The following GPHN variants were observed in gnomAD, a reference collection of about 807,000 sequenced individuals.
GPHN encodes gephyrin.
In GPHN, 17 loss-of-function variants were observed where a neutral mutation model predicts 95.5. The observed-to-expected ratio is 0.18, with a 90% CI of 0.12 to 0.27. The LOEUF is 0.27. Ranked by LOEUF, GPHN falls within the 10% of genes least tolerant of loss-of-function variation. The probability of loss-of-function intolerance (pLI) is 1.00; values close to 1 mark genes in which losing one functional copy is unlikely to be tolerated. For synonymous variants in GPHN, 320 were observed against 322.5 expected, an observed-to-expected ratio of 0.99 and a Z score of 0.08; for missense variants, 660 against 978.1, an observed-to-expected ratio of 0.67 and a Z score of 4.34.
intron 8 of GPHN, among the ~76,000 whole-genome samples, chr14:66,949,693 A>G (rs1460998520): frequency 2.6e-5 from 4 of 152,120 alleles, no homozygotes; most frequent in Non-Finnish European, 5.9e-5. Flanking sequence ...CAAATAACAG[A>G]GAATTTCTAT....
chr14:67,500,792 C>T, the GPHN span, among the ~76,000 whole-genome samples: 2 of 151,668 alleles, frequency 1.3e-5, no homozygotes, highest in Admixed American at 6.6e-5. Flanking sequence ...AGGATGGTCT[C>T]GATCTCCTGA....
At chr14:67,624,220 A>T in the GPHN span, among the ~76,000 whole-genome samples, 1 of 151,976 alleles carries the variant, frequency 6.6e-6, no homozygotes, top group African/African-American at 2.4e-5. Flanking sequence ...TGGGCCTTGT[A>T]CTCTTTTCTC....
intron 16 of GPHN, among the ~76,000 whole-genome samples, chr14:67,115,734 C>CAA (rs35393713): frequency 1.6e-5 from 2 of 123,946 alleles, no homozygotes; most frequent in Admixed American, 8.4e-5. Context: ...GACTCCATCT[C>CAA]AAAAAAAAAA....
intron 2 of GPHN, among the ~76,000 whole-genome samples, chr14:66,737,545 G>T (rs1416790908): frequency 6.6e-6 from 1 of 151,870 alleles, no homozygotes; most frequent in South Asian, 2.1e-4. Context: ...ATCCTTTTGG[G>T]TGTTACTGAC....
intron 4 of GPHN, among the ~76,000 whole-genome samples, chr14:66,877,160 G>C (rs1191627489): frequency 6.6e-6 from 1 of 152,096 alleles, no homozygotes; most frequent in Non-Finnish European, 1.5e-5. Flanking sequence ...AACAGATACA[G>C]AAAAGTCCTC....
intron 20 of GPHN, among the ~76,000 whole-genome samples, chr14:67,167,377 G>T (rs1319589226): frequency 2.6e-5 from 4 of 151,422 alleles, no homozygotes; most frequent in South Asian, 2.1e-4. Flanking sequence ...TTGGTTTGGG[G>T]TTTTTTTGCT....
intron 1 of GPHN, among the ~76,000 whole-genome samples, chr14:66,622,224 G>T (rs8007601): frequency 0.31 from 47,178 of 151,990 alleles, 11,173 homozygotes; most frequent in African/African-American, 0.64. Context: ...CCCTCTGAAC[G>T]CATGGCCTGA....
At chr14:67,700,963 G>T in the GPHN span, among the ~76,000 whole-genome samples, 1 of 142,746 alleles carries the variant, frequency 7.0e-6, no homozygotes, top group Non-Finnish European at 1.5e-5. Context: ...GGCGGAGGTT[G>T]CAGTAAGCGG....
intron 4 of GPHN, among the ~76,000 whole-genome samples, chr14:66,876,980 C>T (rs1236545588): frequency 1.3e-5 from 2 of 152,062 alleles, no homozygotes; most frequent in African/African-American, 4.8e-5. Flanking sequence ...AACATGGATG[C>T]ATAAATCCTC....
the GPHN span, among the ~76,000 whole-genome samples, chr14:67,668,946 T>A: frequency 6.6e-6 from 1 of 152,036 alleles, no homozygotes; most frequent in East Asian, 1.9e-4. Flanking sequence ...AGAAAATAAG[T>A]ACTCTGGAAA....
At chr14:67,513,905 G>T in the GPHN span, among the ~76,000 whole-genome samples, 1 of 152,188 alleles carries the variant, frequency 6.6e-6, no homozygotes, top group South Asian at 2.1e-4. Flanking sequence ...AAGCACTGGG[G>T]ACCTGGAACC....
chr14:67,518,241 G>T, the GPHN span, among the ~76,000 whole-genome samples: 2 of 152,156 alleles, frequency 1.3e-5, no homozygotes, highest in Non-Finnish European at 2.9e-5. Context: ...TATGGGCCAG[G>T]AACAGACAGG....
the GPHN span, among the ~76,000 whole-genome samples, chr14:67,275,908 A>G: frequency 6.6e-6 from 1 of 152,162 alleles, no homozygotes; most frequent in African/African-American, 2.4e-5. Context: ...TTATTTGCGT[A>G]GAGGTGTTTA....
At chr14:67,639,846 A>C in the GPHN span, among the ~76,000 whole-genome samples, 297 of 150,754 alleles carry the variant, frequency 2.0e-3, 3 homozygotes, top group African/African-American at 6.9e-3. Context: ...AATTGCTTGA[A>C]TCCAGGAAGT....
At chr14:67,551,599 G>T in the GPHN span, among the ~76,000 whole-genome samples, 254 of 152,194 alleles carry the variant, frequency 1.7e-3, 1 homozygote, top group Non-Finnish European at 2.9e-3. Flanking sequence ...TGGGTGCAAG[G>T]CAGCGGTAAT....
intron 8 of GPHN, among the ~76,000 whole-genome samples, chr14:66,949,539 C>T (rs962477099): frequency 6.6e-6 from 1 of 152,108 alleles, no homozygotes; most frequent in African/African-American, 2.4e-5. Context: ...ACTTGGCCAC[C>T]AAGCTGGTCA....
intron 13 of GPHN, among the ~76,000 whole-genome samples, chr14:67,108,400 T>A (rs898677907): frequency 6.6e-6 from 1 of 152,170 alleles, no homozygotes; most frequent in Non-Finnish European, 1.5e-5. Context: ...GGGAAACTGG[T>A]TAAAATAGTC....
chr14:66,573,516 G>A (rs1393973022), intron 1 of GPHN, among the ~76,000 whole-genome samples: 5 of 149,692 alleles, frequency 3.3e-5, no homozygotes, highest in South Asian at 4.2e-4. Flanking sequence ...ACAGTGGTGC[G>A]ATCTTGGCTC....
intron 1 of GPHN, among the ~76,000 whole-genome samples, chr14:66,559,701 C>T (rs535342500): frequency 6.6e-6 from 1 of 151,748 alleles, no homozygotes; most frequent in African/African-American, 2.4e-5. Context: ...CCTGTTCACT[C>T]TGATGGTAGT....
Sources: gnomAD v4.1 joint callset for allele counts (sites outside exome capture counted in the v4.1 genomes callset) on GRCh38, gnomAD v4.1.1 for gene constraint, MANE v1.5 for transcripts, NCBI Gene and HGNC (gene_info 2026-07-23, HGNC 2026-07-21) for gene names.